Variants in HNRNPA1L2 observed in about 807,000 individuals in gnomAD.
HNRNPA1L2 encodes the protein heterogeneous nuclear ribonucleoprotein A1-like 2.
In HNRNPA1L2, 10 loss-of-function variants were observed where a neutral mutation model predicts 18.2. That is an observed-to-expected ratio of 0.55 (90% CI 0.34 to 0.93). The LOEUF (loss-of-function observed/expected upper bound fraction) is 0.93. HNRNPA1L2 is among the 40% of genes least tolerant of loss of function. The pLI, the probability that HNRNPA1L2 is intolerant of heterozygous loss-of-function variation, is 0.02. For synonymous variants in HNRNPA1L2, 124 were observed against 138.6 expected, an observed-to-expected ratio of 0.89 and a Z score of 0.74; for missense variants, 308 against 394.4, an observed-to-expected ratio of 0.78 and a Z score of 1.85.
At chr13:52,621,703 G>C in the HNRNPA1L2 span, among the ~76,000 whole-genome samples, 1 of 152,238 alleles carries the variant, frequency 6.6e-6, no homozygotes, top group South Asian at 2.1e-4. Context: ...GCTGTGAGGT[G>C]CATGACCTTA....
the HNRNPA1L2 span, among the ~76,000 whole-genome samples, chr13:52,627,790 G>A: frequency 6.6e-6 from 1 of 151,838 alleles, no homozygotes; most frequent in African/African-American, 2.4e-5. Flanking sequence ...AATAGTTACT[G>A]TCCTTTTAGG....
chr13:52,628,388 G>A, the HNRNPA1L2 span, among the ~76,000 whole-genome samples: 4 of 152,228 alleles, frequency 2.6e-5, no homozygotes, highest in Admixed American at 1.3e-4. Flanking sequence ...GCTGCATTGA[G>A]TTAAGATAGG....
Position 52,643,334 on chromosome 13 carries a change from T to C in HNRNPA1L2, c.842T>C (p.Phe281Ser), listed in dbSNP as rs747334597. The part of the protein sequence containing the change: ...SNFGPMKGGN[F>S]GGRSSGPYGG... ...TTTGGACCCATGAAGGGAGGAAATTTTGGAGGCAGAAGCTCTGGCCCCTAT... is the reference window on the plus strand; with the variant it reads ...TTTGGACCCATGAAGGGAGGAAATTCTGGAGGCAGAAGCTCTGGCCCCTAT... Residue 281 changes from phenylalanine (F) to serine (S), a missense_variant, in exon 1 of 1, where the codon TTT becomes TCT. Transcript: ENST00000357495. 8.8e-6 allele frequency: 14 copies of C among 1,597,928 alleles called. No homozygotes were observed. The South Asian group carries it at 1.3e-4, about 15-fold the overall frequency.
chr13:52,635,397 G>GA, the HNRNPA1L2 span, among the ~76,000 whole-genome samples: 1 of 151,962 alleles, frequency 6.6e-6, no homozygotes, highest in Non-Finnish European at 1.5e-5. Flanking sequence ...AAAAATTAGG[G>GA]AAAAAAGTAG....
chr13:52,626,443 A>G, the HNRNPA1L2 span, among the ~76,000 whole-genome samples: 1 of 151,788 alleles, frequency 6.6e-6, no homozygotes, highest in Non-Finnish European at 1.5e-5. Flanking sequence ...AAAAAAAAAA[A>G]AGGAAACAAT....
chr13:52,620,885 A>G, the HNRNPA1L2 span, among the ~76,000 whole-genome samples: 1 of 152,162 alleles, frequency 6.6e-6, no homozygotes, highest in Non-Finnish European at 1.5e-5. Flanking sequence ...CTCAAAAAAA[A>G]AAAAATAATT....
the HNRNPA1L2 span, among the ~76,000 whole-genome samples, chr13:52,633,279 C>T: frequency 2.0e-5 from 3 of 152,130 alleles, no homozygotes; most frequent in Non-Finnish European, 4.4e-5. Flanking sequence ...AGTGATTGTT[C>T]AGGAGATGGG....
At position 52,642,624 on chromosome 13, in the gene HNRNPA1L2, G is replaced by A. The variant is rs376701384; in HGVS notation, c.132G>A (p.Val44=). Reference sequence around the variant, plus strand: ...AATGGGGAACGCTCACAGACTGTGTGGTAATGAGAGATCCAAACACCAAGC... The same window carrying A: ...AATGGGGAACGCTCACAGACTGTGTAGTAATGAGAGATCCAAACACCAAGC... ...FEQWGTLTDC[V]VMRDPNTKRS... Residue 44 remains valine, a synonymous_variant, in exon 1 of 1, where the codon GTG becomes GTA. Coordinates refer to ENST00000357495, the MANE Select transcript of HNRNPA1L2 (RefSeq NM_001389320.1). The A allele has an allele frequency of 3.9e-4, 634 of 1,611,734 alleles. No homozygotes were observed. The highest frequency in any genetic ancestry group is 5.2e-4 in the Non-Finnish European group (611 of 1,179,844).
the HNRNPA1L2 span, chr13:52,632,556 G>C: frequency 6.5e-6 from 1 of 153,154 alleles, no homozygotes; most frequent in Non-Finnish European, 1.5e-5. Context: ...GATGTCCTTA[G>C]TGTTCTGATG....
chr13:52,621,674 G>A, the HNRNPA1L2 span, among the ~76,000 whole-genome samples: 2 of 152,166 alleles, frequency 1.3e-5, no homozygotes, highest in Admixed American at 6.5e-5. Context: ...GCACCCCAGT[G>A]TGTCTTAGGC....
At chr13:52,617,571 T>G in the HNRNPA1L2 span, 1 of 449,024 alleles carries the variant, frequency 2.2e-6, no homozygotes, top group Non-Finnish European at 4.1e-6. Flanking sequence ...TTTCCTAGAG[T>G]CTCGGCGTTT....
upstream of HNRNPA1L2, among the ~76,000 whole-genome samples, chr13:52,640,189 T>A (rs1466346668): frequency 6.6e-6 from 1 of 152,182 alleles, no homozygotes; most frequent in Non-Finnish European, 1.5e-5. Flanking sequence ...GATTCACCCC[T>A]CCTTGGCCTC....
the HNRNPA1L2 span, among the ~76,000 whole-genome samples, chr13:52,624,293 T>C: frequency 1.3e-5 from 2 of 152,222 alleles, no homozygotes; most frequent in South Asian, 2.1e-4. Context: ...TTTGTATTTT[T>C]AGTAGAGATG....
chr13:52,628,604 C>G, the HNRNPA1L2 span, among the ~76,000 whole-genome samples: 3 of 152,104 alleles, frequency 2.0e-5, no homozygotes, highest in African/African-American at 7.2e-5. Context: ...CATACAGATA[C>G]TGATTGTACT....
the HNRNPA1L2 span, among the ~76,000 whole-genome samples, chr13:52,633,732 G>A: frequency 1.3e-5 from 2 of 152,084 alleles, no homozygotes; most frequent in African/African-American, 4.8e-5. Flanking sequence ...AGGATCACTG[G>A]AGCCCAGAAT....
the HNRNPA1L2 span, among the ~76,000 whole-genome samples, chr13:52,631,387 C>G: frequency 6.6e-6 from 1 of 152,180 alleles, no homozygotes; most frequent in Admixed American, 6.5e-5. Context: ...CAGCAAATGT[C>G]CATTCCCTTT....
At chr13:52,627,448 C>G in the HNRNPA1L2 span, 9 of 345,924 alleles carry the variant, frequency 2.6e-5, no homozygotes, top group East Asian at 6.6e-4. Flanking sequence ...AAATGAGCCC[C>G]TGAGTCCTGA....
At chr13:52,625,268 C>T in the HNRNPA1L2 span, among the ~76,000 whole-genome samples, 1 of 151,938 alleles carries the variant, frequency 6.6e-6, no homozygotes, top group Non-Finnish European at 1.5e-5. Context: ...GTGCACTCCA[C>T]AATGCCTGGC....
At position 52,643,364 on chromosome 13, in the gene HNRNPA1L2, G is replaced by T. The variant is rs749435962; in HGVS notation, c.872G>T (p.Gly291Val). Residue 291 changes from glycine to valine, a missense_variant, in exon 1 of 1, where the codon GGT becomes GTT. Coordinates refer to ENST00000357495, the MANE Select transcript of HNRNPA1L2 (RefSeq NM_001389320.1). ...FGGRSSGPYGGGGQYFAKPQN... is the reference protein window; with the variant it reads ...FGGRSSGPYGVGGQYFAKPQN... ...GGCAGAAGCTCTGGCCCCTATGGCG[G>T]TGGAGGCCAATACTTTGCAAAACCA... 7 of 1,598,466 alleles carry T rather than the reference G, an allele frequency of 4.4e-6. No individual in the cohort carries two copies. Among genetic ancestry groups the T allele is most frequent in the South Asian group, 1.1e-5 (1 of 91,046 alleles).
Sources: gnomAD v4.1 joint callset for allele counts (sites outside exome capture counted in the v4.1 genomes callset) on GRCh38, gnomAD v4.1.1 for gene constraint, MANE v1.5 for transcripts, NCBI Gene and HGNC (gene_info 2026-07-23, HGNC 2026-07-21) for gene names.